Variants in PRDM10 observed in about 807,000 individuals in gnomAD.
PRDM10 encodes the protein PR domain zinc finger protein 10.
Under a neutral mutation model 133.1 loss-of-function variants are expected in PRDM10, and 65 were observed. The ratio of observed to expected loss-of-function variants is 0.49; its 90% confidence interval spans 0.40 to 0.60. The LOEUF is 0.60. PRDM10 is among the 20% of genes least tolerant of loss of function. The pLI, the probability that PRDM10 is intolerant of heterozygous loss-of-function variation, is 0.00. For missense variants in PRDM10, 1,137 were observed against 1,507.1 expected, an observed-to-expected ratio of 0.75 and a Z score of 4.07; for synonymous variants, 582 against 580.4, an observed-to-expected ratio of 1.00 and a Z score of -0.04.
intron 1 of PRDM10, among the ~76,000 whole-genome samples, chr11:129,982,763 C>T (rs1565510157): frequency 6.6e-6 from 1 of 152,016 alleles, no homozygotes; most frequent in Non-Finnish European, 1.5e-5. Context: ...TCAGCCTGGG[C>T]AACATGGCAA....
Position 129,910,587 on chromosome 11 carries a change from C to T in PRDM10, c.3052G>A (p.Gly1018Ser), listed in dbSNP as rs1190231373. Residue 1018 changes from glycine (G) to serine (S), a missense_variant, in exon 19 of 21, where the codon GGC (glycine) becomes AGC (serine). By Grantham distance (56) the Gly-to-Ser change is moderately conservative (BLOSUM62 0). Coordinates refer to ENST00000360871, the MANE Select transcript of PRDM10 (RefSeq NM_199437.2). ...GCCTGCCCCTGTGTGGAAGAACTGC[C>T]CTGGATGTGGGAGGGGCTGAGCCCC... ...QQGLSPSHIQ[G>S]SSSTQGQALQ... is the part of the protein sequence containing the mutation. The T allele has an allele frequency of 6.2e-7, 1 of 1,613,898 alleles. No homozygotes were observed. Among genetic ancestry groups the T allele is most frequent in the African/African-American group, 1.3e-5 (1 of 75,026 alleles).
intron 1 of PRDM10, among the ~76,000 whole-genome samples, chr11:129,983,275 G>C (rs1413632704): frequency 1.3e-5 from 2 of 149,888 alleles, no homozygotes; most frequent in Admixed American, 1.3e-4. Context: ...ACCACGCCTG[G>C]TCTAAAAATC....
intron 9 of PRDM10, among the ~76,000 whole-genome samples, chr11:129,934,849 C>T (rs1403945818): frequency 6.6e-6 from 1 of 152,160 alleles, no homozygotes; most frequent in African/African-American, 2.4e-5. Context: ...TTCGGAATCT[C>T]CAATTAAGGG....
chr11:129,947,242 G>A lies in PRDM10; in HGVS notation c.423C>T (p.Asp141=), dbSNP rs199780519. The A allele has an allele frequency of 2.7e-4, 433 of 1,614,032 alleles. No homozygotes were observed. Among genetic ancestry groups the A allele is most frequent in the Admixed American group, 3.7e-4 (22 of 60,010 alleles). ...CTTCCTCATCTTCCTCAGTGTCCTC[G>A]TCCTCATCCTCATCCTCTTCCTCTT... The part of the protein sequence containing the change: ...EAKEEEDEDE[D]EDTEEDEEED... Residue 141 remains aspartate (D), a synonymous_variant, in exon 5 of 21, where the codon GAC becomes GAT. Coordinates refer to ENST00000360871, the MANE Select transcript of PRDM10 (RefSeq NM_199437.2). The surrounding 1 kb of genome is among the most constrained non-coding windows in gnomAD (Gnocchi z 4.6).
intron 17 of PRDM10, 141 bp downstream of exon 17, chr11:129,914,563 G>C: frequency 8.8e-7 from 1 of 1,133,714 alleles, no homozygotes; most frequent in Non-Finnish European, 1.3e-6. Flanking sequence ...CCTGAAAGGG[G>C]AAGGGGCAGT....
In PRDM10 at chr11:129,902,136, A is replaced by C. The variant is rs1055236722; in HGVS notation, c.*177T>G. 1 of 848,714 alleles carries C rather than the reference A, an allele frequency of 1.2e-6. No homozygotes were observed. Among genetic ancestry groups the C allele is most frequent in the South Asian group, 2.1e-5 (1 of 47,570 alleles). 52.6% of individuals were successfully genotyped at this position (848,714 alleles called of 1,614,324 possible). A position where few individuals can be genotyped will look rare whatever the true frequency, so the allele number is the denominator to read the frequency against. ...CAAAAACCGAGGGTTTGAAGAGTCA[A>C]TTTGATAAAGATGACCTTGGCAAAA... On this transcript the variant is annotated 3_prime_UTR_variant, in exon 21 of 21. Transcript: ENST00000360871.
intron 9 of PRDM10, among the ~76,000 whole-genome samples, chr11:129,933,709 C>G (rs1950939925): frequency 6.6e-6 from 1 of 152,048 alleles, no homozygotes; most frequent in Non-Finnish European, 1.5e-5. Flanking sequence ...GCATATAAAC[C>G]AAAAATCACA....
chr11:129,908,436 T>G (rs1268114073), intron 19 of PRDM10, among the ~76,000 whole-genome samples: 3 of 152,188 alleles, frequency 2.0e-5, no homozygotes, highest in Non-Finnish European at 2.9e-5. Flanking sequence ...TGCTACTGCA[T>G]TCTCCACCCT....
intron 11 of PRDM10, among the ~76,000 whole-genome samples, chr11:129,927,800 T>C (rs771676933): frequency 6.6e-6 from 1 of 152,170 alleles, no homozygotes; most frequent in Non-Finnish European, 1.5e-5. Flanking sequence ...TCCCCACCCG[T>C]TGACCCACTT....
At chr11:129,974,792 TG>T (rs1937663417) in intron 1 of PRDM10, among the ~76,000 whole-genome samples, 1 of 152,192 alleles carries the variant, frequency 6.6e-6, no homozygotes, top group Non-Finnish European at 1.5e-5. Context: ...CATTGAGGAA[TG>T]GGTCAACAAA....
chr11:129,931,107 G>C lies in PRDM10; in HGVS notation c.1439C>G (p.Thr480Ser). The C allele has an allele frequency of 6.2e-7, 1 of 1,614,212 alleles. No individual in the cohort carries two copies. The highest frequency in any genetic ancestry group is 8.5e-7 in the Non-Finnish European group (1 of 1,180,034). Residue 480 changes from threonine (T) to serine (S), a missense_variant, in exon 11 of 21, where the codon ACC becomes AGC. Transcript: ENST00000360871. ...SSLEHEPETH[T>S]LHLQPQHEES... is the part of the protein sequence containing the mutation. ...TTCATGCTGCGGCTGCAGGTGCAGGGTGTGAGTTTCTGGTTCATGTTCCAG... is the reference window on the plus strand; with the variant it reads ...TTCATGCTGCGGCTGCAGGTGCAGGCTGTGAGTTTCTGGTTCATGTTCCAG...
chr11:129,964,930 G>A (rs989796290), intron 1 of PRDM10, among the ~76,000 whole-genome samples: 7 of 152,148 alleles, frequency 4.6e-5, no homozygotes, highest in African/African-American at 9.7e-5. Flanking sequence ...CATAGTAGGT[G>A]ATTAAATATA....
At chr11:129,991,856 G>A (rs1938776769) in intron 1 of PRDM10, among the ~76,000 whole-genome samples, 1 of 149,274 alleles carries the variant, frequency 6.7e-6, no homozygotes, top group African/African-American at 2.5e-5. Flanking sequence ...GGTGGCGGGT[G>A]CCTGTAATCC....
intron 1 of PRDM10, among the ~76,000 whole-genome samples, chr11:129,994,272 C>CTTGAG: frequency 6.6e-6 from 1 of 151,072 alleles, no homozygotes; most frequent in South Asian, 2.1e-4. Flanking sequence ...CCAGCCTGGC[C>CTTGAG]AACATGGCAA....
chr11:129,988,653 G>C (rs557809503), intron 1 of PRDM10, among the ~76,000 whole-genome samples: 1 of 150,052 alleles, frequency 6.7e-6, no homozygotes, highest in Non-Finnish European at 1.5e-5. Flanking sequence ...TTTTTGAGAC[G>C]GAATCTCGCT....
In PRDM10 at chr11:129,935,205, T is replaced by C. The variant is rs1950989693; in HGVS notation, c.1053A>G (p.Gln351=). 1.9e-6 allele frequency: 3 copies of C among 1,613,494 alleles called. No homozygotes were observed. The highest frequency in any genetic ancestry group is 2.5e-6 in the Non-Finnish European group (3 of 1,179,552). ...SEEERKVLRE[Q]EKNWPCYECN... ...ATTCATAGCAGGGCCAATTCTTCTC[T>C]TGCTCTCGAAGAACTACAGTCACAG... The change falls in exon 9 of 21, where the codon CAA becomes CAG. Residue 351 remains glutamine (Q), a synonymous_variant. Coordinates refer to ENST00000360871, the MANE Select transcript of PRDM10 (RefSeq NM_199437.2).
At chr11:129,911,078 T>G (rs1671865338) in intron 18 of PRDM10, among the ~76,000 whole-genome samples, 1 of 152,236 alleles carries the variant, frequency 6.6e-6, no homozygotes, top group Admixed American at 6.5e-5. Flanking sequence ...GCCTGGCCTA[T>G]CATTGCTATT....
chr11:129,937,944 C>T (rs1003788814), intron 7 of PRDM10, among the ~76,000 whole-genome samples: 1 of 152,192 alleles, frequency 6.6e-6, no homozygotes, highest in African/African-American at 2.4e-5. Context: ...ATAGTCTCTT[C>T]AACTAAATAA....
chr11:129,936,368 T>C (rs1951028976), intron 8 of PRDM10, among the ~76,000 whole-genome samples: 1 of 152,012 alleles, frequency 6.6e-6, no homozygotes. Flanking sequence ...AATAGTCCTT[T>C]TTCGGCCGGG....
Sources: allele counts gnomAD v4.1 joint callset (sites outside exome capture counted in the v4.1 genomes callset), GRCh38; gene constraint gnomAD v4.1.1; non-coding constraint Gnocchi (gnomAD v3.1); transcripts MANE v1.5; gene names NCBI Gene and HGNC (gene_info 2026-07-23, HGNC 2026-07-21).